Variants in FTO observed in about 807,000 individuals in gnomAD.
The protein encoded by FTO is FTO alpha-ketoglutarate dependent dioxygenase.
A neutral mutation model predicts 63.9 loss-of-function variants in FTO; 47 were observed. The ratio of observed to expected loss-of-function variants is 0.74; its 90% confidence interval spans 0.58 to 0.94. FTO has a LOEUF of 0.94. Among genes scored for constraint, FTO ranks in the 40% least tolerant of loss-of-function variants. The probability of loss-of-function intolerance (pLI) is 0.00; values close to 1 mark genes in which losing one functional copy is unlikely to be tolerated. For synonymous variants in FTO, 207 were observed against 224.4 expected (o/e 0.92, Z 0.69); for missense variants, 562 against 618.1 (o/e 0.91, Z 0.96).
Position 53,850,356 on chromosome 16 carries a change from A to G in FTO, c.895+6058A>G, listed in dbSNP as rs1460554694. Among the ~76,000 whole-genome samples, 4 of 150,130 alleles carry G rather than the reference A, an allele frequency of 2.7e-5. No homozygotes were observed. In the South Asian group the frequency reaches 6.3e-4, roughly 24 times the overall value. ...GTTCAATTTTTTTTTTTTTCCAGGG[A>G]TGAGGATGTATCTCTCCTCCTGAAA... is the stretch of plus-strand genomic sequence containing the variant. On this transcript the variant is annotated intron_variant, in intron 4 of 8. Coordinates refer to ENST00000471389, the MANE Select transcript of FTO (RefSeq NM_001080432.3).
chr16:53,784,699 A>T (rs1006510586), intron 1 of FTO, among the ~76,000 whole-genome samples: 3 of 152,218 alleles, frequency 2.0e-5, no homozygotes, highest in African/African-American at 7.2e-5. Flanking sequence ...GTAATTGCCA[A>T]GTAGGTTTCA....
intron 4 of FTO, among the ~76,000 whole-genome samples, chr16:53,860,867 T>C (rs996611041): frequency 6.9e-6 from 1 of 144,342 alleles, no homozygotes; most frequent in Non-Finnish European, 1.5e-5. Context: ...AGAGAGTAGA[T>C]CTTAAATGTT....
intron 4 of FTO, among the ~76,000 whole-genome samples, chr16:53,853,741 T>A (rs2079888259): frequency 6.6e-6 from 1 of 152,204 alleles, no homozygotes; most frequent in Admixed American, 6.5e-5. Context: ...GGCACTTTGG[T>A]TGATTCCATA....
intron 8 of FTO, among the ~76,000 whole-genome samples, chr16:53,985,117 A>G (rs2143846397): frequency 6.6e-6 from 1 of 152,096 alleles, no homozygotes; most frequent in Middle Eastern, 3.4e-3. Flanking sequence ...GGTTGGGGAG[A>G]GAGAAGGGTG....
intron 1 of FTO, among the ~76,000 whole-genome samples, chr16:53,752,487 T>A (rs1567956004): frequency 1.3e-5 from 2 of 152,230 alleles, no homozygotes; most frequent in South Asian, 4.1e-4. Flanking sequence ...GGGATTTGAA[T>A]ATAAATCAAT....
intron 4 of FTO, among the ~76,000 whole-genome samples, chr16:53,851,202 C>T (rs1024624294): frequency 6.7e-6 from 1 of 150,278 alleles, no homozygotes; most frequent in African/African-American, 2.5e-5. Context: ...AATCCCAGCA[C>T]TTTGGGAGGC....
chr16:53,759,548 G>A (rs1438002681), intron 1 of FTO, among the ~76,000 whole-genome samples: 2 of 151,986 alleles, frequency 1.3e-5, no homozygotes, highest in East Asian at 1.9e-4. Context: ...ACAAAAATTA[G>A]CTGGGCATGG....
intron 8 of FTO, among the ~76,000 whole-genome samples, chr16:54,012,668 A>G (rs906091631): frequency 1.3e-5 from 2 of 152,168 alleles, no homozygotes; most frequent in Admixed American, 1.3e-4. Context: ...AGTCGAAGCT[A>G]TTGCTCATTT....
chr16:53,869,457 T>A (rs1394277526), intron 4 of FTO, among the ~76,000 whole-genome samples: 1 of 152,050 alleles, frequency 6.6e-6, no homozygotes, highest in African/African-American at 2.4e-5. Context: ...GCTTCTAATT[T>A]TCTTCTGTTC....
At chr16:53,962,480 T>A (rs1199347979) in intron 8 of FTO, among the ~76,000 whole-genome samples, 1 of 152,176 alleles carries the variant, frequency 6.6e-6, no homozygotes, top group Non-Finnish European at 1.5e-5. Flanking sequence ...ACTCCATATT[T>A]TGATTAGAGG....
intron 8 of FTO, chr16:53,991,307 G>A (rs563092522): frequency 3.3e-5 from 5 of 152,380 alleles, no homozygotes; most frequent in Admixed American, 6.5e-5. Flanking sequence ...AATAAGCACT[G>A]TTAATTGTTA....
rs546063900 is a variant in FTO, at chr16:54,005,111, C to T, written c.1364+71002C>T. On this transcript the variant is annotated intron_variant, in intron 8 of 8. Coordinates refer to ENST00000471389, the MANE Select transcript of FTO (RefSeq NM_001080432.3). ...AAAAGAAACAAATTCATTGGAGTAC[C>T]TTAGCATTATGGGATATCTCTAGGC... is the stretch of plus-strand genomic sequence containing the variant. Among the ~76,000 whole-genome samples, 10 of 148,996 alleles carry T rather than the reference C, an allele frequency of 6.7e-5. No homozygotes were observed. In the East Asian group the frequency reaches 2.0e-3, roughly 29 times the overall value.
chr16:53,958,397 G>A (rs144084530), intron 8 of FTO, among the ~76,000 whole-genome samples: 2 of 152,282 alleles, frequency 1.3e-5, no homozygotes, highest in African/African-American at 2.4e-5. Context: ...GGAACACTTC[G>A]GCGGGCAGCC....
chr16:53,899,772 A>C (rs1386831315), intron 7 of FTO, among the ~76,000 whole-genome samples: 1 of 152,170 alleles, frequency 6.6e-6, no homozygotes, highest in East Asian at 1.9e-4. Flanking sequence ...GGGGAATACA[A>C]ACCAGGGGAG....
intron 8 of FTO, chr16:53,979,572 CGT>C (rs776383991): frequency 8.3e-5 from 32 of 385,592 alleles, no homozygotes; most frequent in Non-Finnish European, 1.2e-4. Context: ...TGTGTGCGCG[CGT>C]GTGTGAATTT....
chr16:53,888,792 AAGGGT>A, intron 6 of FTO, 35 bp from the exon 7 acceptor site: 1 of 1,611,530 alleles, frequency 6.2e-7, no homozygotes, highest in East Asian at 2.2e-5. Flanking sequence ...TGTCTATCAC[AAGGGT>A]ATTAAAACCA....
At chr16:53,892,248 G>A (rs935796629) in intron 7 of FTO, among the ~76,000 whole-genome samples, 21 of 152,022 alleles carry the variant, frequency 1.4e-4, no homozygotes, top group African/African-American at 4.1e-4. Context: ...TATTTTCTCA[G>A]TTGCAAGCAG....
At chr16:53,998,608 G>T (rs1003167321) in intron 8 of FTO, 1 of 152,212 alleles carries the variant, frequency 6.6e-6, no homozygotes, top group Non-Finnish European at 1.5e-5. Flanking sequence ...CTTGATCCAG[G>T]TATTAACTAT....
chr16:53,844,096 A>G (rs2079550436), intron 3 of FTO, 59 bp from the exon 4 acceptor site: 1 of 1,376,574 alleles, frequency 7.3e-7, no homozygotes, highest in South Asian at 1.3e-5. Context: ...TAACAATTAT[A>G]AAATTCAGAA....
Sources: gnomAD v4.1 joint callset for allele counts (sites outside exome capture counted in the v4.1 genomes callset) on GRCh38, gnomAD v4.1.1 for gene constraint, MANE v1.5 for transcripts, NCBI Gene and HGNC (gene_info 2026-07-23, HGNC 2026-07-21) for gene names.